The following QSOX1 variants were observed in gnomAD, a reference collection of about 807,000 sequenced individuals.
QSOX1 encodes quiescin sulfhydryl oxidase 1.
A neutral mutation model predicts 76.1 loss-of-function variants in QSOX1; 40 were observed. That is an observed-to-expected ratio of 0.53 (90% CI 0.41 to 0.68). QSOX1 has a LOEUF of 0.68. QSOX1 is among the 30% of genes least tolerant of loss of function. The probability of loss-of-function intolerance (pLI) is 0.00; values close to 1 mark genes in which losing one functional copy is unlikely to be tolerated. For missense variants in QSOX1, 931 were observed against 974.3 expected (o/e 0.96, Z 0.59); for synonymous variants, 392 against 413.1 (o/e 0.95, Z 0.62).
intron 2 of QSOX1, among the ~76,000 whole-genome samples, chr1:180,170,973 G>A (rs1469697892): frequency 1.3e-5 from 2 of 152,192 alleles, no homozygotes; most frequent in Admixed American, 6.5e-5. Flanking sequence ...GGAGTGGAGG[G>A]CAATGTGAGG....
intron 1 of QSOX1, among the ~76,000 whole-genome samples, chr1:180,161,510 C>G (rs1662492570): frequency 6.6e-6 from 1 of 152,156 alleles, no homozygotes; most frequent in South Asian, 2.1e-4. Context: ...AGAGCAGATA[C>G]TTATTGAACT....
rs772883091 is a variant in QSOX1 at position 180,186,058 on chromosome 1, A to G, written c.893A>G (p.Lys298Arg). 1 of 1,614,080 alleles carries G rather than the reference A, an allele frequency of 6.2e-7. No homozygotes were observed. Among genetic ancestry groups the G allele is most frequent in the Non-Finnish European group, 8.5e-7 (1 of 1,179,940 alleles). The change falls in exon 8 of 12, where the codon AAG becomes AGG. Residue 298 changes from lysine to arginine, a missense_variant. By Grantham distance (26) the Lys-to-Arg change is conservative (BLOSUM62 2). Coordinates refer to ENST00000367602, the MANE Select transcript of QSOX1 (RefSeq NM_002826.5). ...PTVWKLADRSKIYMADLESAL... is the reference protein window; with the variant it reads ...PTVWKLADRSRIYMADLESAL... The stretch of plus-strand genomic sequence containing the variant: ...ATCTCCCTCTGGGTCCTCAGCTCCA[A>G]GATCTACATGGCTGACCTGGAATCT...
rs376875678 is a variant in QSOX1 at position 180,165,018 on chromosome 1, C to T, written c.266-1473C>T. On this transcript the variant is annotated intron_variant, in intron 1 of 11. Coordinates refer to ENST00000367602, the MANE Select transcript of QSOX1 (RefSeq NM_002826.5). ...TCGTTATCAAGGGGGCAGTGCCGAG[C>T]TGTTCATGAGGGATCTGCCCCCAAG... Among the ~76,000 whole-genome samples, 40 of 152,304 alleles carry T rather than the reference C, an allele frequency of 2.6e-4. 1 individual carries two copies. In the South Asian group the frequency reaches 5.2e-3, roughly 20 times the overall value.
chr1:180,158,256 C>T (rs1488334878), intron 1 of QSOX1, among the ~76,000 whole-genome samples: 3 of 152,142 alleles, frequency 2.0e-5, no homozygotes, highest in Non-Finnish European at 4.4e-5. Flanking sequence ...CAGCATGTGC[C>T]GAGCTATGGA....
chr1:180,158,062 A>G (rs376437148), intron 1 of QSOX1, among the ~76,000 whole-genome samples: 4 of 152,266 alleles, frequency 2.6e-5, no homozygotes, highest in East Asian at 1.9e-4. Context: ...TATTATGACA[A>G]TCCTTACCCG....
Position 180,196,382 on chromosome 1 carries a change from T to G in QSOX1, c.1589T>G (p.Phe530Cys), listed in dbSNP as rs1444520490. The change falls in exon 12 of 12, where the codon TTC becomes TGC. Residue 530 changes from phenylalanine (F) to cysteine (C), a missense_variant. Physicochemically the swap from Phe to Cys is radical, Grantham distance 205 (BLOSUM62 -2). Transcript: ENST00000367602. This position sits in a 1 kb window ranked among gnomAD's most constrained non-coding sequence, Gnocchi z 4.1. ...TGGGACGTGGAAGCCACCCTCAACTTCCTCAAGGCCCACTTCTCCCCAAGC... is the reference window on the plus strand; with the variant it reads ...TGGGACGTGGAAGCCACCCTCAACTGCCTCAAGGCCCACTTCTCCCCAAGC... ...PVWDVEATLN[F>C]LKAHFSPSNI... The G allele has an allele frequency of 1.2e-6, 2 of 1,614,100 alleles. No individual in the cohort carries two copies. Among genetic ancestry groups the G allele is most frequent in the Non-Finnish European group, 1.7e-6 (2 of 1,180,032 alleles).
chr1:180,159,782 G>C (rs943802120), intron 1 of QSOX1, among the ~76,000 whole-genome samples: 3 of 152,112 alleles, frequency 2.0e-5, no homozygotes, highest in Non-Finnish European at 4.4e-5. Flanking sequence ...TCAGCTTGAG[G>C]GACTCCATCT....
intron 1 of QSOX1, among the ~76,000 whole-genome samples, chr1:180,166,172 G>T (rs1662614064): frequency 6.6e-6 from 1 of 152,156 alleles, no homozygotes; most frequent in South Asian, 2.1e-4. Context: ...GGATGGCGAG[G>T]AGCAGGGCAA....
intron 10 of QSOX1, among the ~76,000 whole-genome samples, chr1:180,193,261 G>A (rs182659466): frequency 6.6e-6 from 1 of 152,104 alleles, no homozygotes; most frequent in African/African-American, 2.4e-5. Context: ...GGTGAGGAGT[G>A]GGGTAACCCG....
rs1350050802 is a variant in QSOX1, at chr1:180,198,404, G to C, written c.*1367G>C. 2 of 456,454 alleles carry C rather than the reference G, an allele frequency of 4.4e-6. No homozygotes were observed. Among genetic ancestry groups the C allele is most frequent in the Non-Finnish European group, 8.8e-6 (2 of 226,856 alleles). The allele number at this position is 456,454 out of a possible 1,614,324, so 28.3% of individuals were successfully genotyped here. On this transcript the variant is annotated 3_prime_UTR_variant, in exon 12 of 12. Transcript: ENST00000367602. Reference sequence around the variant, plus strand: ...CACTCGGTGGGGAGGAGTCAGCCAGGATTAGAGAGCCTGCCCCTAATCCGG... The same window carrying C: ...CACTCGGTGGGGAGGAGTCAGCCAGCATTAGAGAGCCTGCCCCTAATCCGG...
chr1:180,170,492 A>G (rs4651058), intron 2 of QSOX1, among the ~76,000 whole-genome samples: 148,601 of 152,316 alleles, frequency 0.98, 72,607 homozygotes, highest in East Asian at 1. Flanking sequence ...TTTTGGCCCC[A>G]AGATAGCAGT....
chr1:180,174,201 C>T (rs757487989), intron 2 of QSOX1, among the ~76,000 whole-genome samples: 3 of 152,264 alleles, frequency 2.0e-5, no homozygotes, highest in Non-Finnish European at 4.4e-5. Flanking sequence ...CAGGACAACT[C>T]AACTGTGTTC....
rs557286769 is a variant in QSOX1 at position 180,198,093 on chromosome 1, G to T, written c.*1056G>T. The T allele has an allele frequency of 2.3e-6, 1 of 444,038 alleles. No homozygotes were observed. Among genetic ancestry groups the T allele is most frequent in the African/African-American group, 2.0e-5 (1 of 50,000 alleles). The allele number at this position is 444,038 out of a possible 1,614,324, so 27.5% of individuals were successfully genotyped here. A position where few individuals can be genotyped will look rare whatever the true frequency, so the allele number is the denominator to read the frequency against. On this transcript the variant is annotated 3_prime_UTR_variant, in exon 12 of 12. Transcript: ENST00000367602. ...ACCTAGTGTCCAGTCTGGACAGAAT[G>T]CACAGAGACCAGCCTCACCTGGAAT... is the stretch of plus-strand genomic sequence containing the variant.
chr1:180,183,854 G>A (rs1468179502), intron 6 of QSOX1, 62 bp from the exon 7 acceptor site: 1 of 1,501,232 alleles, frequency 6.7e-7, no homozygotes, highest in African/African-American at 1.4e-5. Context: ...TCTGACATTG[G>A]TTAGCTCTAA....
At chr1:180,166,981 C>T (rs979822166) in intron 2 of QSOX1, among the ~76,000 whole-genome samples, 4 of 152,226 alleles carry the variant, frequency 2.6e-5, no homozygotes, top group Non-Finnish European at 5.9e-5. Context: ...GGTAGCCTCA[C>T]CCCACTGTCA....
chr1:180,202,099 C>CA lies in QSOX1; in HGVS notation c.*5064dup, dbSNP rs1015868747. On this transcript the variant is annotated 3_prime_UTR_variant, in exon 12 of 12. Transcript: ENST00000367602. ...ACAGTGGAAGAGAGTCTGGAAATCACAAGGCAGAGGAGGAGACCTTTGCCA... is the reference window on the plus strand; with the variant it reads ...ACAGTGGAAGAGAGTCTGGAAATCACAAAGGCAGAGGAGGAGACCTTTGCCA... 2 of 152,290 alleles carry CA rather than the reference C, an allele frequency of 1.3e-5. No homozygotes were observed. Among genetic ancestry groups the CA allele is most frequent in the Admixed American group, 1.3e-4 (2 of 15,286 alleles). The allele number at this position is 152,290 out of a possible 1,614,324, so 9.4% of individuals were successfully genotyped here. A position where few individuals can be genotyped will look rare whatever the true frequency, so the allele number is the denominator to read the frequency against.
At chr1:180,155,701 A>T (rs1206646595) in intron 1 of QSOX1, among the ~76,000 whole-genome samples, 4 of 151,816 alleles carry the variant, frequency 2.6e-5, no homozygotes, top group African/African-American at 4.8e-5. Flanking sequence ...TGGTACATAG[A>T]CTTCCTTTCT....
rs1442715545 is a variant in QSOX1 at position 180,198,271 on chromosome 1, G to A, written c.*1234G>A. On this transcript the variant is annotated 3_prime_UTR_variant, in exon 12 of 12. Coordinates refer to ENST00000367602, the MANE Select transcript of QSOX1 (RefSeq NM_002826.5). ...CCCCCTGCCCCAATCCTCCCTGAGAGCTCCTGCCTCAGTGCCCTGGGCTGG... is the reference window on the plus strand; with the variant it reads ...CCCCCTGCCCCAATCCTCCCTGAGAACTCCTGCCTCAGTGCCCTGGGCTGG... The A allele has an allele frequency of 2.2e-6, 1 of 456,706 alleles. No individual in the cohort carries two copies. Among genetic ancestry groups the A allele is most frequent in the Admixed American group, 2.3e-5 (1 of 42,584 alleles). The allele number at this position is 456,706 out of a possible 1,614,324, so 28.3% of individuals were successfully genotyped here.
chr1:180,196,031 G>C lies in QSOX1; in HGVS notation c.1469-231G>C, dbSNP rs1558194625. Among the ~76,000 whole-genome samples the C allele has an allele frequency of 6.6e-6, 1 of 152,188 alleles. No individual in the cohort carries two copies. The highest frequency in any genetic ancestry group is 1.5e-5 in the Non-Finnish European group (1 of 68,032). On this transcript the variant is annotated intron_variant, in intron 11 of 11. Coordinates refer to ENST00000367602, the MANE Select transcript of QSOX1 (RefSeq NM_002826.5). The surrounding 1 kb of genome is among the most constrained non-coding windows in gnomAD (Gnocchi z 4.1). ...ACGCTTCCCTGGAAAACCACGGAGG[G>C]CCGGGGCTGAGGGGTAGGTGGATCT...
Sources: allele counts gnomAD v4.1 joint callset (sites outside exome capture counted in the v4.1 genomes callset), GRCh38; gene constraint gnomAD v4.1.1; non-coding constraint Gnocchi (gnomAD v3.1); transcripts MANE v1.5; gene names NCBI Gene and HGNC (gene_info 2026-07-23, HGNC 2026-07-21).